The following CPXM2 variants were observed in gnomAD, a reference collection of about 807,000 sequenced individuals.
The protein encoded by CPXM2 is inactive carboxypeptidase-like protein X2.
Under a neutral mutation model 86.1 loss-of-function variants are expected in CPXM2, and 66 were observed. The ratio of observed to expected loss-of-function variants is 0.77; its 90% confidence interval spans 0.63 to 0.94. The LOEUF is 0.94. Ranked by LOEUF, CPXM2 falls within the 40% of genes least tolerant of loss-of-function variation. The pLI, the probability that CPXM2 is intolerant of heterozygous loss-of-function variation, is 0.00. For missense variants in CPXM2, 948 were observed against 1,026.3 expected, an observed-to-expected ratio of 0.92 and a Z score of 1.04; for synonymous variants, 388 against 400.2, an observed-to-expected ratio of 0.97 and a Z score of 0.36.
At chr10:123,862,792 A>G in intron 2 of CPXM2, 69 bp from the exon 3 acceptor site, 7 of 1,378,986 alleles carry the variant, frequency 5.1e-6, no homozygotes, top group Non-Finnish European at 7.2e-6. Context: ...TATTTTCTAA[A>G]TCTGGCCGCG....
At chr10:123,816,747 T>C (rs902053952) in intron 4 of CPXM2, among the ~76,000 whole-genome samples, 9 of 152,252 alleles carry the variant, frequency 5.9e-5, no homozygotes, top group African/African-American at 2.2e-4. Context: ...AGGCCAGCAA[T>C]ATACCTTTAC....
chr10:123,903,496 T>TCTCCTGGC (rs746959789), intron 2 of CPXM2, among the ~76,000 whole-genome samples: 148 of 152,330 alleles, frequency 9.7e-4, no homozygotes, highest in Non-Finnish European at 1.6e-3. Context: ...TTGAGTGTCC[T>TCTCCTGGC]CTCCTGGCCT....
At chr10:123,850,387 C>G (rs1590064721) in intron 3 of CPXM2, among the ~76,000 whole-genome samples, 1 of 152,196 alleles carries the variant, frequency 6.6e-6, no homozygotes, top group East Asian at 1.9e-4. Flanking sequence ...AAGTCAACCA[C>G]AGTCTGAAAA....
chr10:123,845,653 T>A (rs1258435163), intron 3 of CPXM2, among the ~76,000 whole-genome samples: 1 of 151,718 alleles, frequency 6.6e-6, no homozygotes, highest in Non-Finnish European at 1.5e-5. Flanking sequence ...CCAGAAGAAT[T>A]TTAGGGGGAA....
At chr10:123,751,827 A>T (rs1846084130) in intron 13 of CPXM2, 1 of 985,374 alleles carries the variant, frequency 1.0e-6, no homozygotes, top group Non-Finnish European at 1.2e-6. Flanking sequence ...TATGGAGTTT[A>T]TCTGTCATGA....
At chr10:123,752,853 C>T (rs1355262593) in intron 13 of CPXM2, among the ~76,000 whole-genome samples, 2 of 152,082 alleles carry the variant, frequency 1.3e-5, no homozygotes, top group African/African-American at 2.4e-5. Flanking sequence ...GCAGGGTGCT[C>T]GTAATACATT....
chr10:123,935,886 A>T (rs1172494190), intron 2 of CPXM2, among the ~76,000 whole-genome samples: 3 of 150,560 alleles, frequency 2.0e-5, no homozygotes, highest in African/African-American at 7.5e-5. Context: ...CCTTACCATC[A>T]TCACCACCAC....
chr10:123,785,350 A>G (rs923686946), intron 6 of CPXM2, among the ~76,000 whole-genome samples: 1 of 152,112 alleles, frequency 6.6e-6, no homozygotes, highest in African/African-American at 2.4e-5. Context: ...CATGGCTCTC[A>G]CTGCCCCGGT....
chr10:123,846,300 G>A (rs529791524), intron 3 of CPXM2, among the ~76,000 whole-genome samples: 1 of 152,350 alleles, frequency 6.6e-6, no homozygotes, highest in African/African-American at 2.4e-5. Context: ...ATCTGGAGGT[G>A]ATGGGAGACA....
At chr10:123,860,848 T>C (rs1185533803) in intron 3 of CPXM2, among the ~76,000 whole-genome samples, 1 of 152,238 alleles carries the variant, frequency 6.6e-6, no homozygotes, top group Non-Finnish European at 1.5e-5. Context: ...TATTTCTTAT[T>C]AGTTATTATT....
chr10:123,866,921 T>C (rs1944802533), intron 2 of CPXM2, among the ~76,000 whole-genome samples: 1 of 152,196 alleles, frequency 6.6e-6, no homozygotes, highest in Admixed American at 6.5e-5. Flanking sequence ...TAGCCTCCTC[T>C]CCTTCCTTCC....
intron 4 of CPXM2, among the ~76,000 whole-genome samples, chr10:123,814,207 T>A (rs765048242): frequency 1.5e-4 from 23 of 152,266 alleles, no homozygotes; most frequent in Non-Finnish European, 2.8e-4. Flanking sequence ...GAGATTAACA[T>A]CTGAGTCAGT....
Position 123,780,170 on chromosome 10 carries a change from G to C in CPXM2, c.975C>G (p.Arg325=), listed in dbSNP as rs1317994498. The change falls in exon 7 of 14, where the codon CGC becomes CGG. Residue 325 remains arginine (R), a synonymous_variant. Coordinates refer to ENST00000241305, the MANE Select transcript of CPXM2 (RefSeq NM_198148.3). ...DFKHHNYKEM[R]QLMKVVNEMC... ...GGCTTTGTGATCTGGGTCTTACCTG[G>C]CGCATTTCCTTATAATTGTGGTGCT... 6.3e-7 allele frequency: 1 copy of C among 1,592,138 alleles called. No individual in the cohort carries two copies. The highest frequency in any genetic ancestry group is 1.3e-5 in the African/African-American group (1 of 74,416).
At position 123,750,363 on chromosome 10, in the gene CPXM2, T is replaced by A. The variant is rs1015957899; in HGVS notation, c.2018-3346A>T. The A allele has an allele frequency of 5.1e-6, 5 of 971,312 alleles. No individual in the cohort carries two copies. In the African/African-American group the frequency reaches 8.8e-5, roughly 17 times the overall value. 60.2% of individuals were successfully genotyped at this position (971,312 alleles called of 1,614,324 possible). On this transcript the variant is annotated intron_variant, in intron 13 of 13. Coordinates refer to ENST00000241305, the MANE Select transcript of CPXM2 (RefSeq NM_198148.3). ...TGCACTCCACTGCTCCCAGCCGGCC[T>A]CTCTCCAGCCACACAAGTCTTCCTT... is the stretch of plus-strand genomic sequence containing the variant.
At chr10:123,765,953 G>A (rs1219739) in intron 10 of CPXM2, among the ~76,000 whole-genome samples, 10,107 of 152,274 alleles carry the variant, frequency 0.066, 498 homozygotes, top group East Asian at 0.27. Context: ...CTTGCAATAT[G>A]CTTGTCTAAA....
At chr10:123,747,529 T>C (rs1437830341) in intron 13 of CPXM2, among the ~76,000 whole-genome samples, 2 of 151,980 alleles carry the variant, frequency 1.3e-5, no homozygotes, top group South Asian at 2.1e-4. Context: ...CTGTACCCCA[T>C]TCCCTGGCTG....
intron 2 of CPXM2, among the ~76,000 whole-genome samples, chr10:123,928,306 T>C (rs1393021656): frequency 6.6e-6 from 1 of 152,216 alleles, no homozygotes; most frequent in Non-Finnish European, 1.5e-5. Flanking sequence ...GATGGTCTGA[T>C]GACCCCTGGG....
At chr10:123,821,186 A>G (rs1462840089) in intron 4 of CPXM2, among the ~76,000 whole-genome samples, 1 of 152,224 alleles carries the variant, frequency 6.6e-6, no homozygotes, top group Non-Finnish European at 1.5e-5. Context: ...CCACAGCCAC[A>G]AAAATTAAGT....
chr10:123,852,243 G>C (rs982470269), intron 3 of CPXM2, among the ~76,000 whole-genome samples: 1 of 152,076 alleles, frequency 6.6e-6, no homozygotes, highest in Non-Finnish European at 1.5e-5. Flanking sequence ...TCCCAGGTGG[G>C]ATTTTTTTCA....
Sources: gnomAD v4.1 joint callset for allele counts (sites outside exome capture counted in the v4.1 genomes callset) on GRCh38, gnomAD v4.1.1 for gene constraint, MANE v1.5 for transcripts, NCBI Gene and HGNC (gene_info 2026-07-23, HGNC 2026-07-21) for gene names.